The following PTPRD variants were observed in gnomAD, a reference collection of about 807,000 sequenced individuals.
PTPRD encodes receptor-type tyrosine-protein phosphatase delta.
Under a neutral mutation model 214.5 loss-of-function variants are expected in PTPRD, and 34 were observed. The ratio of observed to expected loss-of-function variants is 0.16; its 90% CI spans 0.12 to 0.21. The LOEUF (loss-of-function observed/expected upper bound fraction) is 0.21, where lower values mean the gene tolerates loss of function less well. Among genes scored for constraint, PTPRD ranks in the 10% least tolerant of loss-of-function variants. The pLI is 1.00. For missense variants in PTPRD, 2,545 were observed against 2,398.7 expected (o/e 1.06, Z -1.27); for synonymous variants, 1,128 against 845.7 (o/e 1.33, Z -5.79).
intron 11 of PTPRD, among the ~76,000 whole-genome samples, chr9:8,817,661 CAAAAT>C (rs1040479407): frequency 6.6e-6 from 1 of 152,096 alleles, no homozygotes; most frequent in Non-Finnish European, 1.5e-5. Context: ...CAAAACAAAA[CAAAAT>C]AAAATATACC....
At chr9:10,563,474 G>A (rs2064628133) in intron 2 of PTPRD, among the ~76,000 whole-genome samples, 1 of 152,056 alleles carries the variant, frequency 6.6e-6, no homozygotes, top group African/African-American at 2.4e-5. Context: ...ATTTGAGTAT[G>A]GAAACCAGTG....
intron 39 of PTPRD, among the ~76,000 whole-genome samples, chr9:8,355,616 G>A (rs1381898050): frequency 1.3e-5 from 2 of 152,178 alleles, no homozygotes; most frequent in African/African-American, 4.8e-5. Context: ...AGAGCTGAAG[G>A]TTAATATTCA....
chr9:9,848,031 A>G (rs1224940622), intron 5 of PTPRD, among the ~76,000 whole-genome samples: 2 of 152,186 alleles, frequency 1.3e-5, no homozygotes, highest in African/African-American at 4.8e-5. Flanking sequence ...GACTTTTCTC[A>G]TAAGAAAAGA....
At chr9:9,730,491 T>G (rs1286974042) in intron 7 of PTPRD, among the ~76,000 whole-genome samples, 3 of 152,136 alleles carry the variant, frequency 2.0e-5, no homozygotes, top group Admixed American at 2.0e-4. Flanking sequence ...TGGCAATTTA[T>G]TTCCCCTTGG....
intron 11 of PTPRD, among the ~76,000 whole-genome samples, chr9:8,850,826 A>T (rs551512588): frequency 6.6e-6 from 1 of 152,228 alleles, no homozygotes; most frequent in Non-Finnish European, 1.5e-5. Flanking sequence ...GCCAGGATCT[A>T]CTTGTGTAGT....
At chr9:9,670,760 C>A (rs897388506) in intron 7 of PTPRD, among the ~76,000 whole-genome samples, 1 of 152,172 alleles carries the variant, frequency 6.6e-6, no homozygotes, top group South Asian at 2.1e-4. Context: ...TGGTGTTGAG[C>A]CTGCGGGTGC....
chr9:8,545,273 T>C (rs1472471687), intron 14 of PTPRD, among the ~76,000 whole-genome samples: 1 of 152,214 alleles, frequency 6.6e-6, no homozygotes. Flanking sequence ...ATAATATTGT[T>C]TGTTCAGACA....
rs375424094 is a variant in PTPRD, at chr9:9,063,888, G to A, written c.-142-45153C>T. ...AGTACATAGCTTACGTATGATAATGGTTTTGCAATAATTCAAAGAGAGTAG... is the reference window on the plus strand; with the variant it reads ...AGTACATAGCTTACGTATGATAATGATTTTGCAATAATTCAAAGAGAGTAG... On this transcript the variant is annotated intron_variant, in intron 10 of 45. Transcript: ENST00000381196. Among the ~76,000 whole-genome samples, 104 of 152,196 alleles carry A rather than the reference G, an allele frequency of 6.8e-4. 4 individuals carry two copies. The South Asian group carries it at 0.022, about 32-fold the overall frequency.
chr9:8,686,726 A>G (rs188077385), intron 12 of PTPRD, among the ~76,000 whole-genome samples: 2 of 152,328 alleles, frequency 1.3e-5, no homozygotes, highest in Admixed American at 1.3e-4. Context: ...CCAAATACCA[A>G]AATGAGGAAA....
chr9:9,451,742 A>G (rs2092239983), intron 8 of PTPRD, among the ~76,000 whole-genome samples: 1 of 151,706 alleles, frequency 6.6e-6, no homozygotes, highest in Non-Finnish European at 1.5e-5. Flanking sequence ...TTAAATTAAT[A>G]AAGTACACTT....
intron 3 of PTPRD, among the ~76,000 whole-genome samples, chr9:10,329,882 G>C (rs2096717992): frequency 6.6e-6 from 1 of 151,838 alleles, no homozygotes; most frequent in Non-Finnish European, 1.5e-5. Context: ...AGTCTGTCAT[G>C]TATAAAAAAT....
intron 2 of PTPRD, among the ~76,000 whole-genome samples, chr9:10,377,033 C>A (rs1355291516): frequency 6.6e-6 from 1 of 151,746 alleles, no homozygotes; most frequent in Non-Finnish European, 1.5e-5. Context: ...CATTAACCAT[C>A]CCCCCCTTCC....
intron 4 of PTPRD, among the ~76,000 whole-genome samples, chr9:9,964,614 G>C (rs553328180): frequency 6.6e-6 from 1 of 152,138 alleles, no homozygotes; most frequent in East Asian, 1.9e-4. Flanking sequence ...CCTTACAACA[G>C]GTTTGATTTT....
chr9:10,539,606 A>G (rs893817293), intron 2 of PTPRD, among the ~76,000 whole-genome samples: 3 of 152,202 alleles, frequency 2.0e-5, no homozygotes, highest in African/African-American at 7.2e-5. Flanking sequence ...AAGAAAGTCT[A>G]TGAGCTCCCT....
chr9:10,142,808 A>T (rs1333256270), intron 3 of PTPRD, among the ~76,000 whole-genome samples: 1 of 146,746 alleles, frequency 6.8e-6, no homozygotes, highest in African/African-American at 2.6e-5. Flanking sequence ...TCATGCTGCT[A>T]TAAAGACACA....
At chr9:9,081,620 G>T (rs1408946655) in intron 10 of PTPRD, among the ~76,000 whole-genome samples, 1 of 152,038 alleles carries the variant, frequency 6.6e-6, no homozygotes, top group Non-Finnish European at 1.5e-5. Flanking sequence ...GTATTATTGT[G>T]TGGGAGTCTA....
rs141546126 is a variant in PTPRD, at chr9:10,599,267, G to A, written c.-600+13131C>T. Among the ~76,000 whole-genome samples, 362 of 151,714 alleles carry A rather than the reference G, an allele frequency of 2.4e-3. 1 individual carries two copies. The highest frequency in any genetic ancestry group is 4.3e-3 in the Non-Finnish European group (291 of 67,800). ...CATCAGCCTGAACTACTCACCTTAC[G>A]ACTGTTAAATGATTATAATTGAGTT... On this transcript the variant is annotated intron_variant, in intron 2 of 45. Transcript: ENST00000381196.
At chr9:8,807,252 G>A (rs1212997895) in intron 11 of PTPRD, among the ~76,000 whole-genome samples, 11 of 151,966 alleles carry the variant, frequency 7.2e-5, no homozygotes, top group African/African-American at 1.9e-4. Flanking sequence ...CAGGAGAATC[G>A]CTTGAACCCG....
chr9:10,414,637 G>C (rs567875842), intron 2 of PTPRD, among the ~76,000 whole-genome samples: 124 of 151,926 alleles, frequency 8.2e-4, no homozygotes, highest in African/African-American at 2.8e-3. Flanking sequence ...ACACATGCAC[G>C]TGAATGTTCA....
Sources: allele counts gnomAD v4.1 joint callset (sites outside exome capture counted in the v4.1 genomes callset), GRCh38; gene constraint gnomAD v4.1.1; transcripts MANE v1.5; gene names NCBI Gene and HGNC (gene_info 2026-07-23, HGNC 2026-07-21).